The following EML4 variants were observed in gnomAD, a reference collection of about 807,000 sequenced individuals.
The protein encoded by EML4 is echinoderm microtubule-associated protein-like 4.
Under a neutral mutation model 129.0 loss-of-function variants are expected in EML4, and 72 were observed. That is an observed-to-expected ratio of 0.56 (90% CI 0.46 to 0.68). EML4 has a LOEUF of 0.68. Among genes scored for constraint, EML4 ranks in the 30% least tolerant of loss-of-function variants. The pLI is 0.00. For missense variants in EML4, 1,363 were observed against 1,190.6 expected (o/e 1.14, Z -2.13); for synonymous variants, 532 against 405.0 (o/e 1.31, Z -3.77).
intron 1 of EML4, among the ~76,000 whole-genome samples, chr2:42,180,363 A>G (rs1485446089): frequency 6.6e-6 from 1 of 152,192 alleles, no homozygotes; most frequent in Admixed American, 6.5e-5. Context: ...GAGTGTTTTA[A>G]AAATAGGGAG....
chr2:42,285,079 A>G (rs961259089), intron 9 of EML4, among the ~76,000 whole-genome samples: 1 of 151,400 alleles, frequency 6.6e-6, no homozygotes, highest in Non-Finnish European at 1.5e-5. Context: ...TAATTAATTA[A>G]TTAATTAATT....
intron 1 of EML4, among the ~76,000 whole-genome samples, chr2:42,183,340 G>A (rs1223622431): frequency 6.6e-6 from 1 of 152,196 alleles, no homozygotes; most frequent in Non-Finnish European, 1.5e-5. Flanking sequence ...ATTATTCACT[G>A]TTAGGAGGTC....
At chr2:42,214,812 A>T (rs1673085066) in intron 1 of EML4, among the ~76,000 whole-genome samples, 2 of 152,134 alleles carry the variant, frequency 1.3e-5, no homozygotes, top group South Asian at 4.2e-4. Flanking sequence ...GAGTAGTTGG[A>T]CTTCTTAAAG....
intron 1 of EML4, among the ~76,000 whole-genome samples, chr2:42,234,721 G>GA (rs993469079): frequency 1.3e-5 from 2 of 152,086 alleles, no homozygotes; most frequent in Non-Finnish European, 2.9e-5. Flanking sequence ...TGTTCTCTGT[G>GA]AAAAAAGATG....
At chr2:42,199,862 A>G (rs12614560) in intron 1 of EML4, among the ~76,000 whole-genome samples, 69,957 of 151,864 alleles carry the variant, frequency 0.46, 16,737 homozygotes, top group East Asian at 0.74. Context: ...AAAGTCATCT[A>G]TGGGTTATTG....
intron 19 of EML4, among the ~76,000 whole-genome samples, chr2:42,318,520 A>T (rs897720097): frequency 6.6e-6 from 1 of 152,198 alleles, no homozygotes; most frequent in Non-Finnish European, 1.5e-5. Flanking sequence ...TTTGTCCAAA[A>T]TATTTTTGTT....
intron 1 of EML4, among the ~76,000 whole-genome samples, chr2:42,219,032 T>G (rs1219240335): frequency 6.6e-6 from 1 of 152,234 alleles, no homozygotes; most frequent in Non-Finnish European, 1.5e-5. Context: ...CTCCAAAATT[T>G]AACTGAAACA....
intron 1 of EML4, among the ~76,000 whole-genome samples, chr2:42,236,725 G>C (rs1310098817): frequency 1.3e-5 from 2 of 152,058 alleles, no homozygotes; most frequent in African/African-American, 2.4e-5. Flanking sequence ...ACTAGATATT[G>C]CCAAGGTTTT....
chr2:42,193,912 T>C (rs941578403), intron 1 of EML4, among the ~76,000 whole-genome samples: 7 of 152,312 alleles, frequency 4.6e-5, no homozygotes, highest in African/African-American at 1.7e-4. Context: ...CTGGAACTCC[T>C]GGGCTCAAGT....
intron 8 of EML4, among the ~76,000 whole-genome samples, 163 bp downstream of exon 8, chr2:42,283,135 C>G (rs947949059): frequency 6.6e-6 from 1 of 152,158 alleles, no homozygotes; most frequent in Non-Finnish European, 1.5e-5. Flanking sequence ...AAAGGACTTT[C>G]GGCCTCCAAA....
intron 1 of EML4, chr2:42,170,061 G>C (rs944467880): frequency 6.2e-6 from 1 of 161,618 alleles, no homozygotes; most frequent in Non-Finnish European, 1.4e-5. Flanking sequence ...CTCTCTTTCA[G>C]GGTGGGGATC....
At chr2:42,203,899 C>T (rs1401706255) in intron 1 of EML4, among the ~76,000 whole-genome samples, 1 of 152,014 alleles carries the variant, frequency 6.6e-6, no homozygotes, top group Non-Finnish European at 1.5e-5. Flanking sequence ...TCTGTATTTA[C>T]TCCTTTATAC....
intron 1 of EML4, 70 bp downstream of exon 1, chr2:42,169,706 A>G: frequency 6.5e-7 from 1 of 1,540,056 alleles, no homozygotes. Context: ...CACACAGCCC[A>G]GGCCCTGCCC....
chr2:42,214,018 A>G (rs988805653), intron 1 of EML4, among the ~76,000 whole-genome samples: 9 of 152,220 alleles, frequency 5.9e-5, no homozygotes, highest in East Asian at 1.9e-4. Context: ...ATCAAATATT[A>G]TGGTAAACGG....
chr2:42,294,975 T>G, intron 11 of EML4, 150 bp from the exon 12 acceptor site: 1 of 626,598 alleles, frequency 1.6e-6, no homozygotes, highest in Non-Finnish European at 2.6e-6. Context: ...AAAAATACAT[T>G]ATCAAAATTT....
intron 1 of EML4, among the ~76,000 whole-genome samples, chr2:42,220,741 T>C (rs1420612936): frequency 1.3e-5 from 2 of 152,208 alleles, no homozygotes; most frequent in African/African-American, 2.4e-5. Flanking sequence ...AGGCTTCTCA[T>C]ACCAGACAGC....
In EML4 at chr2:42,330,117, T is replaced by G. The variant is rs573064346; in HGVS notation, c.2856T>G (p.Pro952=). The G allele has an allele frequency of 5.6e-5, 91 of 1,612,152 alleles. No homozygotes were observed. The highest frequency in any genetic ancestry group is 7.5e-5 in the Non-Finnish European group (89 of 1,179,732). ...AGGGCAGCGGAGACCTTGGTGAGCC[T>G]CTTTATGAAGAGCCATGCAACGAGA... ...SEEGSGDLGE[P]LYEEPCNEIS... Residue 952 remains proline (P), a synonymous_variant, in exon 23 of 23, where the codon CCT becomes CCG. Transcript: ENST00000318522.
intron 1 of EML4, among the ~76,000 whole-genome samples, chr2:42,176,812 G>A (rs1037570848): frequency 6.6e-6 from 1 of 151,956 alleles, no homozygotes; most frequent in Admixed American, 6.6e-5. Flanking sequence ...ATTTTTTTAT[G>A]AGACAGAGTT....
intron 3 of EML4, among the ~76,000 whole-genome samples, chr2:42,257,836 C>CAA (rs35916468): frequency 2.7e-3 from 297 of 110,690 alleles, no homozygotes; most frequent in Non-Finnish European, 3.8e-3. Flanking sequence ...GACTCCGTCT[C>CAA]AAAAAAAAAA....
Sources: allele counts gnomAD v4.1 joint callset (sites outside exome capture counted in the v4.1 genomes callset), GRCh38; gene constraint gnomAD v4.1.1; transcripts MANE v1.5; gene names NCBI Gene and HGNC (gene_info 2026-07-23, HGNC 2026-07-21).